KLHDC4: variants seen among roughly 807,000 people sequenced by gnomAD.
The protein encoded by KLHDC4 is kelch domain containing 4.
In KLHDC4, 90 loss-of-function variants were observed where a neutral mutation model predicts 62.4. The ratio of observed to expected loss-of-function variants is 1.44; its 90% CI spans 1.22 to 1.72. The LOEUF (loss-of-function observed/expected upper bound fraction) is 1.72. KLHDC4 is among the 40% of genes most tolerant of loss of function. KLHDC4 has a pLI of 0.00. For synonymous variants in KLHDC4, 386 were observed against 284.4 expected, an observed-to-expected ratio of 1.36 and a Z score of -3.59; for missense variants, 1,025 against 699.7, an observed-to-expected ratio of 1.47 and a Z score of -5.25.
intron 5 of KLHDC4, among the ~76,000 whole-genome samples, chr16:87,733,756 G>C (rs1241133467): frequency 6.9e-6 from 1 of 143,920 alleles, no homozygotes; most frequent in African/African-American, 2.7e-5. Context: ...CTCCTACTTA[G>C]GAATCCACTC....
rs770927114 is a variant in KLHDC4 at position 87,748,751 on chromosome 16, G to A, written c.428C>T (p.Ser143Phe). The A allele has an allele frequency of 1.2e-6, 2 of 1,613,410 alleles. No individual in the cohort carries two copies. The highest frequency in any genetic ancestry group is 1.7e-6 in the Non-Finnish European group (2 of 1,179,874). Reference protein sequence around the residue: ...QLWVFGGEFASPNGEQFYHYK... With the variant: ...QLWVFGGEFAFPNGEQFYHYK... Reference sequence around the variant, plus strand: ...GTGGTAGAACTGCTCTCCGTTGGGAGAGGCAAACTCCCCTCCAAAGACCCA... The same window carrying A: ...GTGGTAGAACTGCTCTCCGTTGGGAAAGGCAAACTCCCCTCCAAAGACCCA... The change falls in exon 5 of 12, where the codon TCT becomes TTT. Residue 143 changes from serine (S) to phenylalanine (F), a missense_variant. Coordinates refer to ENST00000270583, the MANE Select transcript of KLHDC4 (RefSeq NM_017566.4).
In KLHDC4 at chr16:87,709,289, T is replaced by C; in HGVS notation, c.1423A>G (p.Lys475Glu). 3 of 1,612,302 alleles carry C rather than the reference T, an allele frequency of 1.9e-6. No individual in the cohort carries two copies. Among genetic ancestry groups the C allele is most frequent in the Non-Finnish European group, 2.5e-6 (3 of 1,179,614 alleles). ...CCTGGGTCCATCTCCACCAAGGCCTTCCACGCCTCCATCCTGTGCAGGTCC... is the reference window on the plus strand; with the variant it reads ...CCTGGGTCCATCTCCACCAAGGCCTCCCACGCCTCCATCCTGTGCAGGTCC... ...CLDLHRMEAW[K>E]ALVEMDPETQ... The change falls in exon 10 of 12, where the codon AAG becomes GAG. Residue 475 changes from lysine to glutamate, a missense_variant. Physicochemically the swap from Lys to Glu is moderately conservative, Grantham distance 56. Transcript: ENST00000270583.
intron 8 of KLHDC4, among the ~76,000 whole-genome samples, chr16:87,713,848 A>C (rs1218588279): frequency 6.6e-6 from 1 of 152,208 alleles, no homozygotes; most frequent in Non-Finnish European, 1.5e-5. Context: ...TTTAGTAAGA[A>C]AATTTTGATT....
intron 4 of KLHDC4, among the ~76,000 whole-genome samples, chr16:87,749,320 C>T (rs77531171): frequency 0.046 from 6,997 of 152,122 alleles, 277 homozygotes; most frequent in East Asian, 0.15. Flanking sequence ...CTTCGGGAGG[C>T]TGAGGTGGAC....
chr16:87,741,473 T>G (rs1473161820), intron 5 of KLHDC4, among the ~76,000 whole-genome samples: 4 of 152,180 alleles, frequency 2.6e-5, no homozygotes, highest in Non-Finnish European at 5.9e-5. Context: ...TAGATCCAGG[T>G]TGCGGAATCT....
chr16:87,758,053 T>C (rs1173171354), intron 2 of KLHDC4, among the ~76,000 whole-genome samples: 1 of 152,168 alleles, frequency 6.6e-6, no homozygotes, highest in Non-Finnish European at 1.5e-5. Context: ...CCAAAAGATG[T>C]TTCTCAAAGG....
chr16:87,751,417 T>G (rs2043913221), intron 4 of KLHDC4, among the ~76,000 whole-genome samples: 1 of 150,472 alleles, frequency 6.6e-6, no homozygotes, highest in Admixed American at 6.7e-5. Flanking sequence ...GAAGTTGCAG[T>G]GAGCTGAGGT....
rs748995214 is a variant in KLHDC4, at chr16:87,714,506, C to G, written c.827G>C (p.Gly276Ala). The G allele has an allele frequency of 4.3e-6, 7 of 1,614,072 alleles. No homozygotes were observed. The highest frequency in any genetic ancestry group is 1.7e-5 in the Admixed American group (1 of 60,010). ...SDMFLLKPED[G>A]REDKWVWTRM... Reference sequence around the variant, plus strand: ...AGGCACAGCACCTCTACCTTCTCTTCCGTCCTCTGGCTTCAGCAGGAACAT... The same window carrying G: ...AGGCACAGCACCTCTACCTTCTCTTGCGTCCTCTGGCTTCAGCAGGAACAT... The change falls in exon 8 of 12, where the codon GGA (glycine) becomes GCA (alanine). Residue 276 changes from glycine (G) to alanine (A), a missense_variant. Physicochemically the swap from Gly to Ala is moderately conservative, Grantham distance 60 (BLOSUM62 0). Coordinates refer to ENST00000270583, the MANE Select transcript of KLHDC4 (RefSeq NM_017566.4).
chr16:87,744,501 T>G (rs576021478), intron 5 of KLHDC4, among the ~76,000 whole-genome samples: 2 of 151,568 alleles, frequency 1.3e-5, no homozygotes, highest in African/African-American at 4.8e-5. Flanking sequence ...AAGAATGGCT[T>G]GAACCAGCGA....
intron 6 of KLHDC4, among the ~76,000 whole-genome samples, chr16:87,728,174 G>A (rs1404813235): frequency 6.6e-6 from 1 of 152,188 alleles, no homozygotes; most frequent in Non-Finnish European, 1.5e-5. Context: ...GATCGAGTGA[G>A]AATCTGTCTC....
chr16:87,747,348 A>G (rs1360984413), intron 5 of KLHDC4, among the ~76,000 whole-genome samples: 1 of 151,968 alleles, frequency 6.6e-6, no homozygotes, highest in African/African-American at 2.4e-5. Flanking sequence ...CCAAAGATAA[A>G]CAAGCAAATC....
chr16:87,711,465 G>A (rs770682434), intron 8 of KLHDC4, 22 bp from the exon 9 acceptor site: 3 of 1,592,866 alleles, frequency 1.9e-6, no homozygotes, highest in South Asian at 1.1e-5. Flanking sequence ...GAACAAGGAA[G>A]TGGGATAAGA....
chr16:87,754,399 C>G (rs567596241), intron 4 of KLHDC4, among the ~76,000 whole-genome samples: 1 of 152,346 alleles, frequency 6.6e-6, no homozygotes, highest in East Asian at 1.9e-4. Context: ...TAAACCAGCC[C>G]AAATGCCTGC....
At chr16:87,729,745 C>T (rs997902108) in intron 6 of KLHDC4, among the ~76,000 whole-genome samples, 6 of 152,148 alleles carry the variant, frequency 3.9e-5, no homozygotes, top group Admixed American at 6.5e-5. Context: ...ACTGCTCTCC[C>T]GGACAGGAGT....
exon 1 of KLHDC4, chr16:87,700,839 C>CGGAGGGAGGACGTTGGAGGGG (rs1298500129): frequency 1.2e-4 from 10 of 86,100 alleles, no homozygotes; most frequent in South Asian, 5.9e-4. Flanking sequence ...GGTTGGAGGG[C>CGGAGGGAGGACGTTGGAGGGG]GGAGGGAGGA....
chr16:87,724,496 T>C (rs1032723056), intron 7 of KLHDC4, among the ~76,000 whole-genome samples: 2 of 152,318 alleles, frequency 1.3e-5, no homozygotes, highest in Admixed American at 6.5e-5. Context: ...GAATGTCACC[T>C]TCTGCAACTC....
At chr16:87,706,091 G>A (rs887926299), downstream of KLHDC4, among the ~76,000 whole-genome samples, 3 of 142,280 alleles carry the variant, frequency 2.1e-5, no homozygotes, top group East Asian at 2.0e-4. Context: ...TAGCCCTTGC[G>A]GGGGGCGGGC....
intron 2 of KLHDC4, among the ~76,000 whole-genome samples, chr16:87,759,122 A>G (rs984329701): frequency 8.2e-4 from 125 of 152,328 alleles, no homozygotes; most frequent in African/African-American, 2.9e-3. Flanking sequence ...CGGTGAGCCG[A>G]TATCATACCA....
In KLHDC4 at chr16:87,730,744, T is replaced by A. The variant is rs532079422; in HGVS notation, c.507-100A>T. 2.5e-5 allele frequency: 25 copies of A among 997,682 alleles called. 1 individual carries two copies. In the South Asian group the frequency reaches 3.2e-4, roughly 13 times the overall value. The allele number at this position is 997,682 out of a possible 1,614,324, so 61.8% of individuals were successfully genotyped here. A position where few individuals can be genotyped will look rare whatever the true frequency, so the allele number is the denominator to read the frequency against. On this transcript the variant is annotated intron_variant, in intron 5 of 11. Coordinates refer to ENST00000270583, the MANE Select transcript of KLHDC4 (RefSeq NM_017566.4). ...AAAATCCAATTTTTACACTGATTTC[T>A]GTTTTGTGAGCACTTACTGCTCACA...
Sources: allele counts gnomAD v4.1 joint callset (sites outside exome capture counted in the v4.1 genomes callset), GRCh38; gene constraint gnomAD v4.1.1; transcripts MANE v1.5; gene names NCBI Gene and HGNC (gene_info 2026-07-23, HGNC 2026-07-21).